The following ACIN1 variants were observed in gnomAD, a reference collection of about 807,000 sequenced individuals.
The protein encoded by ACIN1 is apoptotic chromatin condensation inducer in the nucleus.
Under a neutral mutation model 146.6 loss-of-function variants are expected in ACIN1, and 16 were observed. That is an observed-to-expected ratio of 0.11 (90% confidence interval 0.07 to 0.17). The LOEUF is 0.17. Among genes scored for constraint, ACIN1 ranks in the 10% least tolerant of loss-of-function variants. The pLI, the probability that ACIN1 is intolerant of heterozygous loss-of-function variation, is 1.00. For missense variants in ACIN1, 1,357 were observed against 1,609.3 expected, an observed-to-expected ratio of 0.84 and a Z score of 2.68; for synonymous variants, 569 against 582.7, an observed-to-expected ratio of 0.98 and a Z score of 0.34.
Position 23,080,578 on chromosome 14 carries a change from T to A in ACIN1, c.757A>T (p.Ile253Leu), listed in dbSNP as rs568243370. 9 of 1,614,146 alleles carry A rather than the reference T, an allele frequency of 5.6e-6. No homozygotes were observed. The South Asian group carries it at 9.9e-5, about 18-fold the overall frequency. Reference sequence around the variant, plus strand: ...ATCTCCTCTGGTTTTACTCTAGGTATCTCTTCCCCTTCTTCCTTAAACTCT... The same window carrying A: ...ATCTCCTCTGGTTTTACTCTAGGTAACTCTTCCCCTTCTTCCTTAAACTCT... ...LKEFKEEGEE[I>L]PRVKPEEMMD... Residue 253 changes from isoleucine (I) to leucine (L), a missense_variant, in exon 6 of 19, where the codon ATA becomes TTA. This residue lies in a region of ACIN1 where 771 missense variants were observed against 746.6 expected (regional missense o/e 1.03). Transcript: ENST00000605057.
Position 23,080,031 on chromosome 14 carries a change from T to A in ACIN1, c.1304A>T (p.Glu435Val). ...PSDTKAESPA[E>V]KVPEESVLPL... The stretch of plus-strand genomic sequence containing the variant: ...CAGGACACTCTCCTCTGGCACTTTC[T>A]CTGCTGGAGATTCTGCTTTGGTGTC... The change falls in exon 6 of 19, where the codon GAG (glutamate) becomes GTG (valine). Residue 435 changes from glutamate to valine, a missense_variant. Physicochemically the swap from Glu to Val is moderately radical, Grantham distance 121 (BLOSUM62 -2). Coordinates refer to ENST00000605057, the MANE Select transcript of ACIN1 (RefSeq NM_001386863.1). The A allele has an allele frequency of 8.1e-6, 13 of 1,614,180 alleles. No homozygotes were observed. Among genetic ancestry groups the A allele is most frequent in the Non-Finnish European group, 1.1e-5 (13 of 1,180,040 alleles).
intron 8 of ACIN1, 138 bp downstream of exon 8, chr14:23,078,013 T>C: frequency 4.0e-6 from 3 of 748,546 alleles, no homozygotes; most frequent in Admixed American, 5.0e-5. Flanking sequence ...AACTGAAGTC[T>C]AGCCTTTGTC....
chr14:23,068,933 G>A lies in ACIN1; in HGVS notation c.2265+543C>T. ...CACAAGATAACATATGCCAAAAAAG[G>A]AGGTAGAGGGGTCACAGGTAACTGA... On this transcript the variant is annotated intron_variant, in intron 9 of 18. Transcript: ENST00000605057. This position sits in a 1 kb window ranked among gnomAD's most constrained non-coding sequence, Gnocchi z 4.3. 4.1e-6 allele frequency: 4 copies of A among 985,522 alleles called. No homozygotes were observed. The highest frequency in any genetic ancestry group is 4.8e-6 in the Non-Finnish European group (4 of 830,028). 61.0% of individuals were successfully genotyped at this position (985,522 alleles called of 1,614,324 possible).
At chr14:23,088,726 A>T (rs1181758332) in intron 4 of ACIN1, among the ~76,000 whole-genome samples, 1 of 152,008 alleles carries the variant, frequency 6.6e-6, no homozygotes, top group Non-Finnish European at 1.5e-5. Context: ...CACATGTCTT[A>T]TATACATATT....
chr14:23,079,038 A>G lies in ACIN1; in HGVS notation c.1789T>C (p.Ser597Pro). ...TCCCTGGAGACTCCAGGGCTCAGAG[A>G]CTAAAACAAAATGAAACACATAACA... Reference protein sequence around the residue: ...SRSASSNSRKSLSPGVSRDSS... With the variant: ...SRSASSNSRKPLSPGVSRDSS... Residue 597 changes from serine to proline, a missense_variant and splice_region_variant, in exon 7 of 19, where the codon TCT becomes CCT. Coordinates refer to ENST00000605057, the MANE Select transcript of ACIN1 (RefSeq NM_001386863.1). 6.2e-7 allele frequency: 1 copy of G among 1,612,180 alleles called. No homozygotes were observed. Among genetic ancestry groups the G allele is most frequent in the South Asian group, 1.1e-5 (1 of 90,884 alleles).
chr14:23,094,180 C>T (rs1322978698), intron 1 of ACIN1, among the ~76,000 whole-genome samples: 1 of 152,084 alleles, frequency 6.6e-6, no homozygotes, highest in Non-Finnish European at 1.5e-5. Flanking sequence ...GCCAACTCAA[C>T]CCTGGAGCCA....
chr14:23,093,381 A>G (rs959521025), intron 2 of ACIN1, 98 bp downstream of exon 2: 19 of 1,219,416 alleles, frequency 1.6e-5, no homozygotes, highest in Non-Finnish European at 2.3e-5. Context: ...TTAGGAAAAC[A>G]GTCATGAGGA....
In ACIN1 at chr14:23,068,336, G is replaced by A; in HGVS notation, c.2265+1140C>T. ...CAAAAGGGCAAGGGCATGTGGGCAG[G>A]CGCCCCAGCACTGGCACAAGCTCTT... On this transcript the variant is annotated intron_variant, in intron 9 of 18. Transcript: ENST00000605057. The surrounding 1 kb of genome is among the most constrained non-coding windows in gnomAD (Gnocchi z 4.3). 1 of 985,974 alleles carries A rather than the reference G, an allele frequency of 1.0e-6. No homozygotes were observed. The highest frequency in any genetic ancestry group is 1.2e-6 in the Non-Finnish European group (1 of 829,988). 61.1% of individuals were successfully genotyped at this position (985,974 alleles called of 1,614,324 possible).
intron 1 of ACIN1, chr14:23,094,718 G>A (rs777298999): frequency 1.8e-5 from 12 of 662,876 alleles, no homozygotes; most frequent in Non-Finnish European, 2.6e-5. Flanking sequence ...GGGGAAGGAG[G>A]AAGGAGCTTA....
chr14:23,073,012 C>G (rs1391963000), intron 8 of ACIN1, among the ~76,000 whole-genome samples: 1 of 152,212 alleles, frequency 6.6e-6, no homozygotes, highest in East Asian at 1.9e-4. Context: ...TTGGAGGACA[C>G]CCCAAGTGAA....
intron 4 of ACIN1, among the ~76,000 whole-genome samples, chr14:23,086,257 G>C (rs141290863): frequency 0.01 from 1,525 of 152,298 alleles, 29 homozygotes; most frequent in African/African-American, 0.035. Context: ...GGAATGAGGG[G>C]CATACTCTAT....
Position 23,093,503 on chromosome 14 carries a change from A to G in ACIN1, c.180T>C (p.His60=). ...LENLQKHSTP[H]AAFQPNSQIG... is the part of the protein sequence containing the mutation. ...CCTGGGAATTTGGCTGGAATGCAGC[A>G]TGGGGTGTTGAGTGTTTCTGTAAAT... The change falls in exon 2 of 19, where the codon CAT becomes CAC. Residue 60 remains histidine (H), a synonymous_variant. Coordinates refer to ENST00000605057, the MANE Select transcript of ACIN1 (RefSeq NM_001386863.1). 3 of 1,614,030 alleles carry G rather than the reference A, an allele frequency of 1.9e-6. No individual in the cohort carries two copies. Among genetic ancestry groups the G allele is most frequent in the Non-Finnish European group, 2.5e-6 (3 of 1,179,954 alleles).
Position 23,073,997 on chromosome 14 carries a change from C to A in ACIN1, c.2123+4154G>T, listed in dbSNP as rs372232400. On this transcript the variant is annotated intron_variant, in intron 8 of 18. Coordinates refer to ENST00000605057, the MANE Select transcript of ACIN1 (RefSeq NM_001386863.1). ...GGGACTACAGGCACCCTCCATTACACCCGGCTAATTTTTTGTATTTTTAGT... is the reference window on the plus strand; with the variant it reads ...GGGACTACAGGCACCCTCCATTACAACCGGCTAATTTTTTGTATTTTTAGT... 2.9e-4 allele frequency among the ~76,000 whole-genome samples: 44 copies of A among 151,774 alleles called. No individual in the cohort carries two copies. In the East Asian group the frequency reaches 6.9e-3, roughly 24 times the overall value.
intron 4 of ACIN1, among the ~76,000 whole-genome samples, chr14:23,082,191 T>C (rs1243559538): frequency 6.6e-6 from 1 of 152,238 alleles, no homozygotes; most frequent in Non-Finnish European, 1.5e-5. Flanking sequence ...GTTCTTACTC[T>C]GAATAAAGTT....
At chr14:23,094,696 A>G (rs540821497) in intron 1 of ACIN1, 2 of 662,606 alleles carry the variant, frequency 3.0e-6, no homozygotes, top group South Asian at 2.7e-5. Context: ...AGATACAAAC[A>G]AGGAGGGGGT....
chr14:23,089,851 TG>T, intron 4 of ACIN1, 130 bp downstream of exon 4: 1 of 1,242,020 alleles, frequency 8.1e-7, no homozygotes, highest in Non-Finnish European at 1.1e-6. Flanking sequence ...GAGAAACAGA[TG>T]TCAAATATCA....
intron 13 of ACIN1, 115 bp downstream of exon 13, chr14:23,063,321 T>C (rs545409942): frequency 2.0e-4 from 266 of 1,357,180 alleles, no homozygotes; most frequent in Admixed American, 1.8e-3. Context: ...AAAGATATGA[T>C]ATACGAAAAA....
At chr14:23,063,098 G>A in intron 13 of ACIN1, 24 bp from the exon 14 acceptor site, 1 of 1,582,930 alleles carries the variant, frequency 6.3e-7, no homozygotes, top group Non-Finnish European at 8.6e-7. Context: ...CACAAGAACA[G>A]CTTTTGGTAG....
chr14:23,071,058 A>G, intron 8 of ACIN1: 1 of 1,469,770 alleles, frequency 6.8e-7, no homozygotes. Flanking sequence ...GCCATGAGGA[A>G]GAGAAGGAAG....
Sources: gnomAD v4.1 joint callset for allele counts (sites outside exome capture counted in the v4.1 genomes callset) on GRCh38, gnomAD v4.1.1 for gene constraint, gnomAD v4.1.1 regional missense constraint, Gnocchi (gnomAD v3.1) non-coding constraint, MANE v1.5 for transcripts, NCBI Gene and HGNC (gene_info 2026-07-23, HGNC 2026-07-21) for gene names.